The following MYPN variants were observed in gnomAD, a reference collection of about 807,000 sequenced individuals.
The protein encoded by MYPN is myopalladin.
MYPN carries 63 observed loss-of-function variants against 129.4 expected under a neutral mutation model. The ratio of observed to expected loss-of-function variants is 0.49; its 90% CI spans 0.40 to 0.60. MYPN has a LOEUF of 0.60. MYPN is among the 20% of genes least tolerant of loss of function. The pLI, the probability that MYPN is intolerant of heterozygous loss-of-function variation, is 0.00. For synonymous variants in MYPN, 629 were observed against 600.9 expected, an observed-to-expected ratio of 1.05 and a Z score of -0.68; for missense variants, 1,596 against 1,635.4, an observed-to-expected ratio of 0.98 and a Z score of 0.42.
intron 2 of MYPN, among the ~76,000 whole-genome samples, chr10:68,133,405 G>C (rs1286320972): frequency 6.6e-6 from 1 of 152,092 alleles, no homozygotes. Flanking sequence ...GGGTCCTGAA[G>C]TGTACACAGT....
At chr10:68,108,758 G>C (rs2042042564), upstream of MYPN, among the ~76,000 whole-genome samples, 1 of 151,810 alleles carries the variant, frequency 6.6e-6, no homozygotes, top group African/African-American at 2.4e-5. Context: ...GTTTCGCTCT[G>C]TCCCCCTTGT....
intron 6 of MYPN, among the ~76,000 whole-genome samples, chr10:68,152,216 A>G (rs923760371): frequency 2.0e-5 from 3 of 152,214 alleles, no homozygotes; most frequent in African/African-American, 7.2e-5. Flanking sequence ...AGCAGGCTTC[A>G]GAGAATAGAT....
At chr10:68,089,801 A>C (rs16925080) in intron 1 of MYPN, among the ~76,000 whole-genome samples, 15,724 of 152,182 alleles carry the variant, frequency 0.1, 910 homozygotes, top group South Asian at 0.15. Flanking sequence ...CATTACTCTA[A>C]GATTGTCCAG....
At chr10:68,206,396 C>A (rs115569510) in intron 18 of MYPN, among the ~76,000 whole-genome samples, 1,650 of 152,270 alleles carry the variant, frequency 0.011, 26 homozygotes, top group African/African-American at 0.038. Flanking sequence ...TCATCCACCC[C>A]CTGGCTCTAT....
intron 10 of MYPN, among the ~76,000 whole-genome samples, chr10:68,171,272 A>T (rs890684497): frequency 6.6e-6 from 1 of 152,182 alleles, no homozygotes; most frequent in African/African-American, 2.4e-5. Flanking sequence ...AAGTGAGATA[A>T]TGTCAGACAA....
intron 1 of MYPN, among the ~76,000 whole-genome samples, chr10:68,088,872 A>AC (rs1053277519): frequency 6.6e-6 from 1 of 152,034 alleles, no homozygotes; most frequent in Non-Finnish European, 1.5e-5. Flanking sequence ...CATTTGTATC[A>AC]CCCCCTCATA....
At chr10:68,136,788 TG>T in intron 2 of MYPN, 1 of 1,486,028 alleles carries the variant, frequency 6.7e-7, no homozygotes, top group South Asian at 1.2e-5. Flanking sequence ...GTTTGTATAA[TG>T]GAAAGTATTA....
At chr10:68,119,922 G>T (rs1453412866) in intron 1 of MYPN, among the ~76,000 whole-genome samples, 1 of 152,032 alleles carries the variant, frequency 6.6e-6, no homozygotes, top group African/African-American at 2.4e-5. Flanking sequence ...CTAGAAGTTT[G>T]GGAACTGGGA....
intron 2 of MYPN, among the ~76,000 whole-genome samples, chr10:68,142,676 G>A (rs2042595579): frequency 1.3e-5 from 2 of 152,140 alleles, no homozygotes; most frequent in South Asian, 4.1e-4. Flanking sequence ...CTTTGTTCTT[G>A]GCTGTTCCTG....
chr10:68,162,730 T>G (rs935890314), intron 8 of MYPN, among the ~76,000 whole-genome samples: 2 of 151,758 alleles, frequency 1.3e-5, no homozygotes, highest in African/African-American at 4.8e-5. Flanking sequence ...CTGGGGCGGG[T>G]GGATCACCTG....
At chr10:68,144,132 C>T (rs2673799) in intron 3 of MYPN, among the ~76,000 whole-genome samples, 27,921 of 152,074 alleles carry the variant, frequency 0.18, 4,098 homozygotes, top group African/African-American at 0.4. Flanking sequence ...TGGGTACCAT[C>T]TGGGAACACT....
Position 68,211,172 on chromosome 10 carries a change from G to GT in MYPN, c.*724dup, listed in dbSNP as rs925571495. ...CACTATTTTCTTTTGGGTGGTGACTGTTTTTTTCTGACTTTGCATATCCCT... is the reference window on the plus strand; with the variant it reads ...CACTATTTTCTTTTGGGTGGTGACTGTTTTTTTTCTGACTTTGCATATCCCT... On this transcript the variant is annotated 3_prime_UTR_variant, in exon 20 of 20. Coordinates refer to ENST00000358913, the MANE Select transcript of MYPN (RefSeq NM_032578.4). 33 of 453,926 alleles carry GT rather than the reference G, an allele frequency of 7.3e-5. No individual in the cohort carries two copies. The highest frequency in any genetic ancestry group is 1.4e-4 in the Non-Finnish European group (31 of 226,794). 28.1% of individuals were successfully genotyped at this position (453,926 alleles called of 1,614,324 possible).
chr10:68,206,065 G>C (rs766096858), intron 18 of MYPN, among the ~76,000 whole-genome samples: 4 of 152,172 alleles, frequency 2.6e-5, no homozygotes, highest in Non-Finnish European at 5.9e-5. Flanking sequence ...CCCCAGAGGA[G>C]AGCTTGGAAG....
intron 1 of MYPN, among the ~76,000 whole-genome samples, chr10:68,096,971 T>C (rs2041959964): frequency 6.6e-6 from 1 of 152,236 alleles, no homozygotes; most frequent in African/African-American, 2.4e-5. Context: ...GATATACTGC[T>C]CTGATATTTG....
intron 6 of MYPN, among the ~76,000 whole-genome samples, chr10:68,153,373 A>G (rs1389406928): frequency 6.6e-6 from 1 of 152,192 alleles, no homozygotes; most frequent in Admixed American, 6.5e-5. Context: ...AGCTCCTTCT[A>G]TTAATAATTA....
chr10:68,106,013 G>C, upstream of MYPN: 1 of 352,892 alleles, frequency 2.8e-6, no homozygotes, highest in Non-Finnish European at 5.6e-6. Context: ...TGTTCTAAAT[G>C]ACTGTCCCTG....
chr10:68,201,350 C>A (rs1157973959), intron 17 of MYPN, among the ~76,000 whole-genome samples: 1 of 152,178 alleles, frequency 6.6e-6, no homozygotes, highest in Non-Finnish European at 1.5e-5. Flanking sequence ...CAGTGATCCT[C>A]ACTAAAAGAC....
At chr10:68,185,686 G>C (rs1250068980) in intron 12 of MYPN, among the ~76,000 whole-genome samples, 1 of 152,128 alleles carries the variant, frequency 6.6e-6, no homozygotes, top group African/African-American at 2.4e-5. Context: ...ATAAAATGTA[G>C]CACCTATCTC....
intron 3 of MYPN, 55 bp downstream of exon 3, chr10:68,143,170 A>C: frequency 6.5e-7 from 1 of 1,530,698 alleles, no homozygotes; most frequent in South Asian, 1.1e-5. Flanking sequence ...TTTAGTTATA[A>C]TAAATAAATA....
Sources: gnomAD v4.1 joint callset for allele counts (sites outside exome capture counted in the v4.1 genomes callset) on GRCh38, gnomAD v4.1.1 for gene constraint, MANE v1.5 for transcripts, NCBI Gene and HGNC (gene_info 2026-07-23, HGNC 2026-07-21) for gene names.